TTK: variants seen among roughly 807,000 people sequenced by gnomAD.
TTK encodes dual specificity protein kinase TTK.
In TTK, 59 loss-of-function variants were observed where a neutral mutation model predicts 117.3. That is an observed-to-expected ratio of 0.50 (90% CI 0.41 to 0.62). The LOEUF (loss-of-function observed/expected upper bound fraction) is 0.62. Among genes scored for constraint, TTK ranks in the 20% least tolerant of loss-of-function variants. The pLI, the probability that TTK is intolerant of heterozygous loss-of-function variation, is 0.00. For missense variants in TTK, 921 were observed against 989.4 expected (o/e 0.93, Z 0.93); for synonymous variants, 302 against 325.0 (o/e 0.93, Z 0.76).
chr6:80,026,598 A>C, intron 12 of TTK, 84 bp downstream of exon 12: 1 of 1,553,540 alleles, frequency 6.4e-7, no homozygotes, highest in Non-Finnish European at 8.7e-7. Flanking sequence ...ATCTGGGATT[A>C]AATCCTGCTC....
chr6:80,010,932 A>G lies in TTK; in HGVS notation c.588A>G (p.Ser196=). 1 of 1,612,192 alleles carries G rather than the reference A, an allele frequency of 6.2e-7. No homozygotes were observed. Among genetic ancestry groups the G allele is most frequent in the East Asian group, 2.2e-5 (1 of 44,824 alleles). Residue 196 remains serine (S), a synonymous_variant, in exon 5 of 22, where the codon TCA becomes TCG. Transcript: ENST00000369798. ...ACCTCCAAAAAAAGCAGCTGCTTTCAGAGGAGGAAAAGAAGAATTTATCAG... is the reference window on the plus strand; with the variant it reads ...ACCTCCAAAAAAAGCAGCTGCTTTCGGAGGAGGAAAAGAAGAATTTATCAG... ...NLNLQKKQLL[S]EEEKKNLSAS...
intron 21 of TTK, among the ~76,000 whole-genome samples, chr6:80,041,230 A>C (rs1370424968): frequency 1.3e-5 from 2 of 151,822 alleles, no homozygotes; most frequent in Admixed American, 1.3e-4. Flanking sequence ...CAACTGATTT[A>C]GCCAACAAGC....
chr6:80,005,293 GT>G (rs1028240895), intron 1 of TTK, among the ~76,000 whole-genome samples: 5 of 152,162 alleles, frequency 3.3e-5, no homozygotes, highest in Admixed American at 1.3e-4. Flanking sequence ...GTTTCTTAGT[GT>G]TAGATTAAGG....
chr6:80,037,461 A>ACAGTTT (rs1562025721), intron 17 of TTK: 1 of 152,628 alleles, frequency 6.6e-6, no homozygotes, highest in African/African-American at 2.4e-5. Flanking sequence ...AACTCAGAGG[A>ACAGTTT]CTACTGTGAG....
chr6:80,021,899 G>A (rs1195397618), intron 10 of TTK, among the ~76,000 whole-genome samples: 1 of 152,034 alleles, frequency 6.6e-6, no homozygotes, highest in African/African-American at 2.4e-5. Context: ...AGAAACTAAG[G>A]GTTTCAAAGT....
chr6:80,040,510 T>C, intron 20 of TTK, 96 bp from the exon 21 acceptor site: 1 of 1,079,688 alleles, frequency 9.3e-7, no homozygotes, highest in Non-Finnish European at 1.3e-6. Flanking sequence ...TGATAAATTA[T>C]AAGAATATCA....
At chr6:80,013,227 A>AT in intron 8 of TTK, 52 bp from the exon 9 acceptor site, 3 of 1,463,640 alleles carry the variant, frequency 2.0e-6, no homozygotes, top group South Asian at 1.3e-5. Flanking sequence ...ATACATTGAA[A>AT]ATTTTTTTTT....
chr6:80,005,770 T>A, intron 1 of TTK, 72 bp from the exon 2 acceptor site: 1 of 1,553,710 alleles, frequency 6.4e-7, no homozygotes, highest in Non-Finnish European at 8.7e-7. Flanking sequence ...GTCTGGGTTC[T>A]AAAAAGCTAG....
intron 11 of TTK, among the ~76,000 whole-genome samples, chr6:80,023,713 A>G (rs2127676299): frequency 6.6e-6 from 1 of 152,366 alleles, no homozygotes; most frequent in East Asian, 1.9e-4. Context: ...ACTGTGTTAG[A>G]GTTTTTACAA....
At chr6:80,017,390 A>G (rs1027220628) in intron 10 of TTK, among the ~76,000 whole-genome samples, 1 of 151,996 alleles carries the variant, frequency 6.6e-6, no homozygotes, top group African/African-American at 2.4e-5. Context: ...TGATCCTTCT[A>G]CCTCAGCCTC....
rs755663509 is a variant in TTK at position 80,022,317 on chromosome 6, A to G, written c.1109-7A>G. 39 of 1,605,656 alleles carry G rather than the reference A, an allele frequency of 2.4e-5. No homozygotes were observed. Among genetic ancestry groups the G allele is most frequent in the Admixed American group, 8.6e-5 (5 of 57,930 alleles). On this transcript the variant is annotated splice_polypyrimidine_tract_variant and splice_region_variant and intron_variant, in intron 10 of 21. Transcript: ENST00000369798. ...TTGCTTTTTAATGACAACAAATACAATTTCAGAAACTAAAGAGTATCAAGA... is the reference window on the plus strand; with the variant it reads ...TTGCTTTTTAATGACAACAAATACAGTTTCAGAAACTAAAGAGTATCAAGA...
intron 13 of TTK, among the ~76,000 whole-genome samples, chr6:80,031,083 G>A (rs1767748112): frequency 6.6e-6 from 1 of 150,770 alleles, no homozygotes; most frequent in Non-Finnish European, 1.5e-5. Flanking sequence ...CTATAATTAT[G>A]TGTGTGTATA....
At chr6:80,006,555 G>T (rs1766999552) in intron 2 of TTK, among the ~76,000 whole-genome samples, 1 of 152,144 alleles carries the variant, frequency 6.6e-6, no homozygotes, top group Non-Finnish European at 1.5e-5. Flanking sequence ...AAGATTCAAA[G>T]ATGCTTAAAA....
In TTK at chr6:80,007,857, A is replaced by T. The variant is rs767406007; in HGVS notation, c.188A>T (p.Glu63Val). ...NQIMMMANNP[E>V]DWLSLLLKLE... is the part of the protein sequence containing the mutation. ...ATTATGATGATGGCAAACAACCCAG[A>T]GGACTGGTTGAGTTTGTTGCTCAAA... The change falls in exon 3 of 22, where the codon GAG becomes GTG. Residue 63 changes from glutamate (E) to valine (V), a missense_variant. Coordinates refer to ENST00000369798, the MANE Select transcript of TTK (RefSeq NM_003318.5). 2 of 1,613,322 alleles carry T rather than the reference A, an allele frequency of 1.2e-6. No individual in the cohort carries two copies. Among genetic ancestry groups the T allele is most frequent in the South Asian group, 2.2e-5 (2 of 91,016 alleles).
chr6:80,031,530 A>G lies in TTK; in HGVS notation c.1585A>G (p.Lys529Glu). The G allele has an allele frequency of 1.3e-6, 2 of 1,538,796 alleles. No homozygotes were observed. Among genetic ancestry groups the G allele is most frequent in the Non-Finnish European group, 8.7e-7 (1 of 1,149,780 alleles). ...TAAAGGAAGAATTTATTCCATATTA[A>G]AGCAGATAGGAAGTGGAGGTTCAAG... ...SVKGRIYSIL[K>E]QIGSGGSSKV... Residue 529 changes from lysine (K) to glutamate (E), a missense_variant, in exon 14 of 22, where the codon AAG becomes GAG. Coordinates refer to ENST00000369798, the MANE Select transcript of TTK (RefSeq NM_003318.5).
chr6:80,013,234 T>TTTTTCAAA lies in TTK; in HGVS notation c.897-41_897-34dup, dbSNP rs772323106. 4.7e-6 allele frequency: 7 copies of TTTTTCAAA among 1,500,266 alleles called. No individual in the cohort carries two copies. The Admixed American group carries it at 8.7e-5, about 19-fold the overall frequency. 92.9% of individuals were successfully genotyped at this position (1,500,266 alleles called of 1,614,324 possible). A position where few individuals can be genotyped will look rare whatever the true frequency, so the allele number is the denominator to read the frequency against. On this transcript the variant is annotated intron_variant, in intron 8 of 21. Transcript: ENST00000369798. ...ATGAAAAAATACATTGAAAATTTTT[T>TTTTTCAAA]TTTTCAAATTTAATGTTAAAATTAT...
chr6:80,018,963 G>A (rs912670103), intron 10 of TTK, among the ~76,000 whole-genome samples: 5 of 151,906 alleles, frequency 3.3e-5, no homozygotes, highest in East Asian at 3.9e-4. Flanking sequence ...TATATTTTCC[G>A]TCTCTATTCT....
At chr6:80,009,413 A>G (rs1463136773) in intron 4 of TTK, among the ~76,000 whole-genome samples, 1 of 152,036 alleles carries the variant, frequency 6.6e-6, no homozygotes, top group Non-Finnish European at 1.5e-5. Context: ...GTCTTCTCCA[A>G]TATGTCCTTT....
At chr6:80,015,104 A>G (rs1169653442) in intron 10 of TTK, among the ~76,000 whole-genome samples, 1 of 152,196 alleles carries the variant, frequency 6.6e-6, no homozygotes, top group Non-Finnish European at 1.5e-5. Flanking sequence ...AAGAGGGAGA[A>G]ATTAAGGAAC....
Sources: allele counts gnomAD v4.1 joint callset (sites outside exome capture counted in the v4.1 genomes callset), GRCh38; gene constraint gnomAD v4.1.1; transcripts MANE v1.5; gene names NCBI Gene and HGNC (gene_info 2026-07-23, HGNC 2026-07-21).